Variants in MINDY4 observed in about 807,000 individuals in gnomAD.
The protein encoded by MINDY4 is probable ubiquitin carboxyl-terminal hydrolase MINDY-4.
A neutral mutation model predicts 87.0 loss-of-function variants in MINDY4; 68 were observed. The ratio of observed to expected loss-of-function variants is 0.78; its 90% CI spans 0.64 to 0.96. The LOEUF is 0.96. Ranked by LOEUF, MINDY4 falls within the 40% of genes least tolerant of loss-of-function variation. The probability of loss-of-function intolerance (pLI) is 0.00; values close to 1 mark genes in which losing one functional copy is unlikely to be tolerated. For missense variants in MINDY4, 919 were observed against 928.2 expected (o/e 0.99, Z 0.13); for synonymous variants, 379 against 363.2 (o/e 1.04, Z -0.50).
At chr7:30,842,955 A>G (rs1481250256) in intron 9 of MINDY4, among the ~76,000 whole-genome samples, 3 of 152,140 alleles carry the variant, frequency 2.0e-5, no homozygotes, top group East Asian at 3.9e-4. Context: ...CCCCATTAAG[A>G]TAAAACCAGG....
At chr7:30,845,331 C>T (rs1042029619) in intron 9 of MINDY4, among the ~76,000 whole-genome samples, 22 of 152,174 alleles carry the variant, frequency 1.4e-4, no homozygotes, top group Non-Finnish European at 2.9e-4. Flanking sequence ...CAAAGGGAAA[C>T]ACTGGGTCAC....
intron 15 of MINDY4, among the ~76,000 whole-genome samples, chr7:30,876,560 G>A (rs1790264763): frequency 6.6e-6 from 1 of 152,220 alleles, no homozygotes; most frequent in South Asian, 2.1e-4. Context: ...GCTGGATAGG[G>A]CATGGGTGAC....
chr7:30,790,986 A>T (rs1293030522), intron 4 of MINDY4, among the ~76,000 whole-genome samples, 179 bp from the exon 5 acceptor site: 1 of 152,192 alleles, frequency 6.6e-6, no homozygotes, highest in Non-Finnish European at 1.5e-5. Flanking sequence ...GAAAGCCCAG[A>T]GGTGGGAGCA....
chr7:30,842,650 G>A (rs550909980), intron 9 of MINDY4, among the ~76,000 whole-genome samples: 190 of 152,314 alleles, frequency 1.2e-3, no homozygotes, highest in African/African-American at 4.4e-3. Flanking sequence ...GGAACAGGTG[G>A]TTACAGGGGA....
intron 5 of MINDY4, among the ~76,000 whole-genome samples, chr7:30,816,262 C>T (rs1458067440): frequency 6.6e-6 from 1 of 150,544 alleles, no homozygotes; most frequent in Admixed American, 6.6e-5. Flanking sequence ...GTTTTGCAAA[C>T]TGTATGCCCT....
chr7:30,877,822 CTTTTTTTTTTTTTTTTTTTTTTTTT>C (rs60164229), intron 15 of MINDY4, among the ~76,000 whole-genome samples: 4 of 47,516 alleles, frequency 8.4e-5, no homozygotes, highest in African/African-American at 2.7e-4. Context: ...CAGGGACATG[CTTTTTTTTTTTTTTTTTTTTTTTTT>C]TTTTTTTTTT....
rs758184504 is a variant in MINDY4 at position 30,791,608 on chromosome 7, A to C, written c.1073+34A>C. The C allele has an allele frequency of 6.4e-6, 10 of 1,559,622 alleles. No individual in the cohort carries two copies. The South Asian group carries it at 1.1e-4, about 17-fold the overall frequency. Reference sequence around the variant, plus strand: ...GCTATGCAAAGGTGACGGCTTTTCAAAAAGAAGCTCCACCTCTCACATGTT... The same window carrying C: ...GCTATGCAAAGGTGACGGCTTTTCACAAAGAAGCTCCACCTCTCACATGTT... On this transcript the variant is annotated intron_variant, in intron 5 of 17. Transcript: ENST00000265299.
intron 5 of MINDY4, among the ~76,000 whole-genome samples, chr7:30,810,595 C>T (rs933322362): frequency 3.9e-5 from 6 of 151,990 alleles, no homozygotes; most frequent in African/African-American, 9.7e-5. Flanking sequence ...AAAAACACGA[C>T]CGGTTTTTCT....
At chr7:30,855,942 T>A (rs1337657436) in intron 12 of MINDY4, among the ~76,000 whole-genome samples, 1 of 152,278 alleles carries the variant, frequency 6.6e-6, no homozygotes, top group African/African-American at 2.4e-5. Flanking sequence ...AAATTCATTT[T>A]TCATGGCCTG....
chr7:30,871,398 G>T (rs377203098), intron 13 of MINDY4, among the ~76,000 whole-genome samples: 3 of 152,152 alleles, frequency 2.0e-5, no homozygotes, highest in African/African-American at 7.2e-5. Context: ...GTTACATTGG[G>T]GTGGCTAAAA....
Position 30,836,708 on chromosome 7 carries a change from C to G in MINDY4, c.1183C>G (p.Pro395Ala). 18 of 1,614,090 alleles carry G rather than the reference C, an allele frequency of 1.1e-5. No homozygotes were observed. The highest frequency in any genetic ancestry group is 1.5e-5 in the Non-Finnish European group (18 of 1,180,016). ...GGAAGAGGTCATCCTGTCGCCAGTC[C>G]CATCAGTGCTCAAGTTGCAGACAGC... is the stretch of plus-strand genomic sequence containing the variant. ...IREEVILSPV[P>A]SVLKLQTASK... Residue 395 changes from proline to alanine, a missense_variant, in exon 7 of 18, where the codon CCA becomes GCA. Transcript: ENST00000265299.
intron 5 of MINDY4, among the ~76,000 whole-genome samples, chr7:30,799,010 G>T (rs1441820133): frequency 1.3e-5 from 2 of 152,158 alleles, no homozygotes; most frequent in African/African-American, 2.4e-5. Flanking sequence ...GCCCAAGTTA[G>T]TAGGGTTGCT....
intron 9 of MINDY4, among the ~76,000 whole-genome samples, 182 bp downstream of exon 9, chr7:30,841,030 T>C (rs147413425): frequency 1.1e-3 from 161 of 152,198 alleles, no homozygotes; most frequent in African/African-American, 3.6e-3. Context: ...AGGGGACTTG[T>C]GCGCGTTTGT....
At chr7:30,875,759 G>A in intron 15 of MINDY4, 103 bp downstream of exon 15, 1 of 1,324,098 alleles carries the variant, frequency 7.6e-7, no homozygotes, top group Non-Finnish European at 1.0e-6. Flanking sequence ...CTCAGAGCTG[G>A]CTGAAATTCG....
intron 5 of MINDY4, among the ~76,000 whole-genome samples, chr7:30,827,744 C>T (rs1052906319): frequency 1.3e-5 from 2 of 152,126 alleles, no homozygotes; most frequent in South Asian, 2.1e-4. Context: ...TGGTACTGTG[C>T]GTCCTCTAGC....
At chr7:30,875,807 C>T in intron 15 of MINDY4, 151 bp downstream of exon 15, 1 of 829,656 alleles carries the variant, frequency 1.2e-6, no homozygotes, top group South Asian at 1.8e-5. Context: ...GGAAGAAGTA[C>T]AGCTTCTCTG....
At chr7:30,855,815 T>G (rs1008492404) in intron 12 of MINDY4, among the ~76,000 whole-genome samples, 3 of 152,250 alleles carry the variant, frequency 2.0e-5, no homozygotes, top group African/African-American at 7.2e-5. Context: ...CTGGCTTTGG[T>G]CCTTGGTACA....
chr7:30,838,166 C>T (rs1286453512), intron 7 of MINDY4, among the ~76,000 whole-genome samples: 1 of 152,164 alleles, frequency 6.6e-6, no homozygotes, highest in African/African-American at 2.4e-5. Context: ...GGGCGGGGAC[C>T]TGCTGCCTTT....
intron 5 of MINDY4, among the ~76,000 whole-genome samples, chr7:30,824,560 T>A (rs1227318796): frequency 6.6e-6 from 1 of 152,190 alleles, no homozygotes; most frequent in East Asian, 1.9e-4. Flanking sequence ...CACAGAGGAA[T>A]AAGCATCTCC....
Sources: gnomAD v4.1 joint callset for allele counts (sites outside exome capture counted in the v4.1 genomes callset) on GRCh38, gnomAD v4.1.1 for gene constraint, MANE v1.5 for transcripts, NCBI Gene and HGNC (gene_info 2026-07-23, HGNC 2026-07-21) for gene names.